The following MAMDC2 variants were observed in gnomAD, a reference collection of about 807,000 sequenced individuals.
MAMDC2 encodes MAM domain containing 2.
A neutral mutation model predicts 89.8 loss-of-function variants in MAMDC2; 57 were observed. That is an observed-to-expected ratio of 0.63 (90% CI 0.51 to 0.79). The LOEUF (loss-of-function observed/expected upper bound fraction) is 0.79. Ranked by LOEUF, MAMDC2 falls within the 30% of genes least tolerant of loss-of-function variation. The pLI, the probability that MAMDC2 is intolerant of heterozygous loss-of-function variation, is 0.00. For missense variants in MAMDC2, 800 were observed against 820.6 expected, an observed-to-expected ratio of 0.97 and a Z score of 0.31; for synonymous variants, 313 against 293.4, an observed-to-expected ratio of 1.07 and a Z score of -0.68.
At chr9:70,128,991 C>T (rs541900647) in intron 6 of MAMDC2, among the ~76,000 whole-genome samples, 4 of 152,246 alleles carry the variant, frequency 2.6e-5, no homozygotes, top group Non-Finnish European at 4.4e-5. Context: ...TAGTTCAGAG[C>T]TTGTTATGTG....
intron 5 of MAMDC2, among the ~76,000 whole-genome samples, chr9:70,122,992 T>G (rs1199814779): frequency 6.6e-6 from 1 of 152,148 alleles, no homozygotes; most frequent in Non-Finnish European, 1.5e-5. Context: ...CAAACTCTCC[T>G]GCAGGTCCAA....
At chr9:70,090,123 TCACACACACACA>T (rs56982239) in intron 2 of MAMDC2, among the ~76,000 whole-genome samples, 1 of 148,002 alleles carries the variant, frequency 6.8e-6, no homozygotes, top group Non-Finnish European at 1.5e-5. Context: ...GCCAAGGATG[TCACACACACACA>T]CACACACACA....
chr9:70,214,260 C>T (rs1415531665), intron 11 of MAMDC2, among the ~76,000 whole-genome samples: 2 of 152,170 alleles, frequency 1.3e-5, no homozygotes, highest in Non-Finnish European at 2.9e-5. Context: ...ATAGTCAGAA[C>T]AGGTCTAATA....
intron 12 of MAMDC2, among the ~76,000 whole-genome samples, chr9:70,223,132 C>CAAAAA (rs57177475): frequency 4.2e-5 from 5 of 119,066 alleles, no homozygotes; most frequent in African/African-American, 1.1e-4. Context: ...GACTCTGTCT[C>CAAAAA]AAAAAAAAAA....
intron 2 of MAMDC2, chr9:70,106,057 A>G (rs376997304): frequency 6.6e-6 from 1 of 152,262 alleles, no homozygotes; most frequent in East Asian, 1.9e-4. Flanking sequence ...AACATCCAAG[A>G]AATGCAATCT....
chr9:70,225,654 A>C, intron 12 of MAMDC2, 96 bp from the exon 13 acceptor site: 2 of 711,650 alleles, frequency 2.8e-6, no homozygotes, highest in Non-Finnish European at 4.9e-6. Context: ...CTCAAGAGCA[A>C]TCTACGTTTT....
intron 6 of MAMDC2, among the ~76,000 whole-genome samples, 162 bp downstream of exon 6, chr9:70,126,577 C>T (rs111859096): frequency 0.011 from 1,734 of 152,342 alleles, 32 homozygotes; most frequent in African/African-American, 0.039. Flanking sequence ...CTCCTGCTCT[C>T]CCTTCCTCTG....
chr9:70,110,820 A>T (rs755944688), intron 4 of MAMDC2, among the ~76,000 whole-genome samples: 1 of 152,188 alleles, frequency 6.6e-6, no homozygotes, highest in Non-Finnish European at 1.5e-5. Context: ...GAGGGGGCAT[A>T]ATGAGGGTAA....
chr9:70,123,173 A>G (rs2030365736), intron 5 of MAMDC2, among the ~76,000 whole-genome samples: 1 of 152,234 alleles, frequency 6.6e-6, no homozygotes, highest in Admixed American at 6.5e-5. Flanking sequence ...CATATCTCAC[A>G]AAAAGATTCT....
intron 2 of MAMDC2, among the ~76,000 whole-genome samples, chr9:70,063,486 G>A (rs992221043): frequency 1.1e-4 from 17 of 152,024 alleles, no homozygotes; most frequent in Admixed American, 3.9e-4. Context: ...AATACTGGGC[G>A]CATAGTAGAT....
intron 11 of MAMDC2, among the ~76,000 whole-genome samples, chr9:70,209,247 A>C (rs966378857): frequency 6.6e-6 from 1 of 152,128 alleles, no homozygotes; most frequent in Admixed American, 6.5e-5. Flanking sequence ...TCGGCTGTGA[A>C]TCCATCTGGT....
intron 2 of MAMDC2, among the ~76,000 whole-genome samples, chr9:70,095,899 A>C (rs1828016597): frequency 6.6e-6 from 1 of 152,186 alleles, no homozygotes; most frequent in Non-Finnish European, 1.5e-5. Context: ...CTATTTTTAC[A>C]TCCCACTCAC....
intron 2 of MAMDC2, among the ~76,000 whole-genome samples, chr9:70,107,314 A>G (rs1465335904): frequency 6.6e-6 from 1 of 152,136 alleles, no homozygotes; most frequent in African/African-American, 2.4e-5. Flanking sequence ...GCACTTGTCG[A>G]TATTAGGAGG....
intron 11 of MAMDC2, among the ~76,000 whole-genome samples, chr9:70,200,065 AT>A (rs1317459481): frequency 1.3e-5 from 2 of 150,264 alleles, no homozygotes; most frequent in East Asian, 3.9e-4. Context: ...ATTAGATCCC[AT>A]TTGTCAATTT....
At chr9:70,211,360 CTTCAT>C (rs1426404141) in intron 11 of MAMDC2, among the ~76,000 whole-genome samples, 3 of 152,170 alleles carry the variant, frequency 2.0e-5, no homozygotes, top group Admixed American at 6.5e-5. Context: ...TCTCTTCTCA[CTTCAT>C]TTCATTAATT....
At chr9:70,127,549 G>C (rs2030609758) in intron 6 of MAMDC2, among the ~76,000 whole-genome samples, 1 of 151,992 alleles carries the variant, frequency 6.6e-6, no homozygotes, top group African/African-American at 2.4e-5. Flanking sequence ...CCTCTGGATG[G>C]GTTTCGGTGG....
intron 11 of MAMDC2, among the ~76,000 whole-genome samples, chr9:70,202,771 A>C (rs1238735152): frequency 6.6e-6 from 1 of 151,528 alleles, no homozygotes; most frequent in African/African-American, 2.4e-5. Context: ...TAGGATAGTT[A>C]GCTCTTCTTG....
intron 2 of MAMDC2, among the ~76,000 whole-genome samples, chr9:70,076,000 C>T (rs574326850): frequency 3.3e-4 from 50 of 152,310 alleles, no homozygotes; most frequent in African/African-American, 1.2e-3. Context: ...AGTGTGCTCC[C>T]GAAAATGTCC....
intron 5 of MAMDC2, among the ~76,000 whole-genome samples, chr9:70,114,784 T>C (rs1014989032): frequency 1.3e-5 from 2 of 152,096 alleles, no homozygotes; most frequent in South Asian, 2.1e-4. Flanking sequence ...CTACCACAAA[T>C]GGATGTTAAC....
Sources: allele counts gnomAD v4.1 joint callset (sites outside exome capture counted in the v4.1 genomes callset), GRCh38; gene constraint gnomAD v4.1.1; transcripts MANE v1.5; gene names NCBI Gene and HGNC (gene_info 2026-07-23, HGNC 2026-07-21).